Variants in IBA57 observed in about 807,000 individuals in gnomAD.
The protein encoded by IBA57 is iron-sulfur cluster assembly factor IBA57, mitochondrial.
Under a neutral mutation model 20.4 loss-of-function variants are expected in IBA57, and 20 were observed. The observed-to-expected ratio is 0.98, with a 90% CI of 0.69 to 1.42. IBA57 has a LOEUF of 1.42. Among genes scored for constraint, IBA57 ranks in the 40% most tolerant of loss-of-function variants. The pLI is 0.00. For synonymous variants in IBA57, 310 were observed against 233.9 expected, an observed-to-expected ratio of 1.33 and a Z score of -2.97; for missense variants, 608 against 499.3, an observed-to-expected ratio of 1.22 and a Z score of -2.07.
chr1:228,166,784 G>A (rs1291895155), intron 1 of IBA57, among the ~76,000 whole-genome samples: 1 of 152,202 alleles, frequency 6.6e-6, no homozygotes, highest in Non-Finnish European at 1.5e-5. Flanking sequence ...CCCTTGCCCA[G>A]CTTCCAGGGA....
chr1:228,167,320 AC>A (rs2034866458), intron 1 of IBA57, among the ~76,000 whole-genome samples: 1 of 147,046 alleles, frequency 6.8e-6, no homozygotes, highest in Non-Finnish European at 1.5e-5. Context: ...TTCTCTGGGA[AC>A]CCCACCCGTT....
rs1449235111 is a variant in IBA57, at chr1:228,170,601, GTC to G, written c.342-4090_342-4089del. On this transcript the variant is annotated intron_variant, in intron 1 of 2. Coordinates refer to ENST00000366711, the MANE Select transcript of IBA57 (RefSeq NM_001010867.4). This position sits in a 1 kb window ranked among gnomAD's most constrained non-coding sequence, Gnocchi z 4.8. Reference sequence around the variant, plus strand: ...AGCCACCATGCCTGGCCTCCTTAGGGTCCCTTTCTATCAGTTGGTTTTGATCT... The same window carrying G: ...AGCCACCATGCCTGGCCTCCTTAGGGCCTTTCTATCAGTTGGTTTTGATCT... Among the ~76,000 whole-genome samples, 1 of 152,188 alleles carries G rather than the reference GTC, an allele frequency of 6.6e-6. No homozygotes were observed. The highest frequency in any genetic ancestry group is 1.5e-5 in the Non-Finnish European group (1 of 68,036).
chr1:228,166,622 G>A (rs545611192), intron 1 of IBA57, among the ~76,000 whole-genome samples: 2 of 152,212 alleles, frequency 1.3e-5, no homozygotes, highest in Non-Finnish European at 2.9e-5. Context: ...ACAGCTTGTG[G>A]TGACACTCCC....
Position 228,175,575 on chromosome 1 carries a change from T to C in IBA57, c.*62T>C. 6.7e-7 allele frequency: 1 copy of C among 1,498,874 alleles called. No homozygotes were observed. 92.8% of individuals were successfully genotyped at this position (1,498,874 alleles called of 1,614,324 possible). On this transcript the variant is annotated 3_prime_UTR_variant, in exon 3 of 3. Transcript: ENST00000366711. The stretch of plus-strand genomic sequence containing the variant: ...TGGGGCCTGGGGCCTTTGGCCTCTG[T>C]CCAGGGTCTTCCCGTCCCATCTGTC...
In IBA57 at chr1:228,166,085, C is replaced by T. The variant is rs940700561; in HGVS notation, c.269C>T (p.Pro90Leu). Residue 90 changes from proline to leucine, a missense_variant, in exon 1 of 3, where the codon CCT (proline) becomes CTT (leucine). Pro to Leu is a moderately conservative substitution (Grantham distance 98, BLOSUM62 -3). Transcript: ENST00000366711. ...LPSPAAAGAP[P>L]AARAGYAHFL... ...AGTCCTGCGGCCGCGGGGGCCCCGC[C>T]TGCTGCGCGCGCGGGCTACGCCCAC... is the stretch of plus-strand genomic sequence containing the variant. The T allele has an allele frequency of 2.0e-5, 31 of 1,538,190 alleles. No homozygotes were observed. Among genetic ancestry groups the T allele is most frequent in the Non-Finnish European group, 2.5e-5 (29 of 1,144,818 alleles).
intron 1 of IBA57, among the ~76,000 whole-genome samples, chr1:228,167,870 C>T (rs2034872971): frequency 1.3e-5 from 2 of 152,250 alleles, no homozygotes; most frequent in Non-Finnish European, 2.9e-5. Flanking sequence ...TTAAGAACTA[C>T]ATTCTTTGAT....
In IBA57 at chr1:228,174,682, C is replaced by T. The variant is rs1255154006; in HGVS notation, c.342-10C>T. Reference sequence around the variant, plus strand: ...TGAGCTGCCATGCGCCCCTGCCTCTCTCCCTGCAGGCTCCAGGAACACTCG... The same window carrying T: ...TGAGCTGCCATGCGCCCCTGCCTCTTTCCCTGCAGGCTCCAGGAACACTCG... On this transcript the variant is annotated splice_polypyrimidine_tract_variant and intron_variant, in intron 1 of 2. Coordinates refer to ENST00000366711, the MANE Select transcript of IBA57 (RefSeq NM_001010867.4). The T allele has an allele frequency of 1.3e-6, 2 of 1,534,508 alleles. No homozygotes were observed. The highest frequency in any genetic ancestry group is 1.8e-6 in the Non-Finnish European group (2 of 1,142,550).
At position 228,175,243 on chromosome 1, in the gene IBA57, C is replaced by T. The variant is rs138699407; in HGVS notation, c.801C>T (p.Ala267=). The T allele has an allele frequency of 1.6e-4, 262 of 1,612,864 alleles. No individual in the cohort carries two copies. The highest frequency in any genetic ancestry group is 2.2e-4 in the Admixed American group (13 of 60,032). The change falls in exon 3 of 3, where the codon GCC becomes GCT. Residue 267 remains alanine, a synonymous_variant. Transcript: ENST00000366711. ...KGCYIGQELT[A]RTHHMGVIRK... ...GCTACATTGGCCAGGAGCTGACGGC[C>T]CGCACCCACCACATGGGCGTCATCC...
In IBA57 at chr1:228,174,778, A is replaced by G. The variant is rs141874510; in HGVS notation, c.428A>G (p.Tyr143Cys). Residue 143 changes from tyrosine to cysteine, a missense_variant, in exon 2 of 3, where the codon TAC becomes TGC. Physicochemically the swap from Tyr to Cys is radical, Grantham distance 194. Transcript: ENST00000366711. ...GCGCTGCAGAAGCACCTCGCGCTAT[A>G]CAGGATCCGGCGGAAGGTCACGGTG... ...QGALQKHLALYRIRRKVTVEP... is the reference protein window; with the variant it reads ...QGALQKHLALCRIRRKVTVEP... The G allele has an allele frequency of 1.2e-6, 2 of 1,610,510 alleles. No individual in the cohort carries two copies. The highest frequency in any genetic ancestry group is 1.3e-5 in the African/African-American group (1 of 74,848).
rs1473949618 is a variant in IBA57 at position 228,175,142 on chromosome 1, G to C, written c.700G>C (p.Asp234His). 2 of 1,612,642 alleles carry C rather than the reference G, an allele frequency of 1.2e-6. No individual in the cohort carries two copies. The highest frequency in any genetic ancestry group is 1.1e-5 in the South Asian group (1 of 91,066). The change falls in exon 3 of 3, where the codon GAC (aspartate) becomes CAC (histidine). Residue 234 changes from aspartate (D) to histidine (H), a missense_variant. Physicochemically the swap from Asp to His is moderately conservative, Grantham distance 81 (BLOSUM62 -1). Transcript: ENST00000366711. ...YLQGVPEGVR[D>H]LPPGVALPLE... ...TGCAGGCGTTCCTGAGGGGGTCCGAGACTTGCCTCCTGGGGTGGCCCTGCC... is the reference window on the plus strand; with the variant it reads ...TGCAGGCGTTCCTGAGGGGGTCCGACACTTGCCTCCTGGGGTGGCCCTGCC...
rs367817788 is a variant in IBA57, at chr1:228,174,132, T to A, written c.342-560T>A. On this transcript the variant is annotated intron_variant, in intron 1 of 2. Coordinates refer to ENST00000366711, the MANE Select transcript of IBA57 (RefSeq NM_001010867.4). The stretch of plus-strand genomic sequence containing the variant: ...GTGTGGCTGTGGGCGTGGCTCGCTG[T>A]GGGCGTGGCTCGCTGTGGGCGTGGC... Among the ~76,000 whole-genome samples, 80 of 149,654 alleles carry A rather than the reference T, an allele frequency of 5.3e-4. 1 individual carries two copies. Among genetic ancestry groups the A allele is most frequent in the African/African-American group, 2.0e-3 (80 of 40,690 alleles).
Position 228,176,904 on chromosome 1 carries a change from T to C in IBA57, c.*1391T>C, listed in dbSNP as rs4653915. 0.35 allele frequency: 53,499 copies of C among 152,428 alleles called. 9,661 individuals carry two copies. Among genetic ancestry groups the C allele is most frequent in the Non-Finnish European group, 0.39 (26,716 of 68,220 alleles). 9.4% of individuals were successfully genotyped at this position (152,428 alleles called of 1,614,324 possible). A position where few individuals can be genotyped will look rare whatever the true frequency, so the allele number is the denominator to read the frequency against. On this transcript the variant is annotated 3_prime_UTR_variant, in exon 3 of 3. Coordinates refer to ENST00000366711, the MANE Select transcript of IBA57 (RefSeq NM_001010867.4). ...CCTCACCCGCTGCAGTCAGCTCTCC[T>C]ATGGGCAAGGAAACAGCTAGGTGGC... is the stretch of plus-strand genomic sequence containing the variant.
chr1:228,167,556 C>T (rs2034869902), intron 1 of IBA57, among the ~76,000 whole-genome samples: 1 of 152,102 alleles, frequency 6.6e-6, no homozygotes, highest in Non-Finnish European at 1.5e-5. Context: ...AGGGTTTCAC[C>T]ATATTGGCCA....
At chr1:228,169,356 C>T (rs2034894731) in intron 1 of IBA57, among the ~76,000 whole-genome samples, 1 of 152,170 alleles carries the variant, frequency 6.6e-6, no homozygotes, top group Admixed American at 6.5e-5. Flanking sequence ...TTCTTGTTTC[C>T]TGAATGTAGC....
intron 1 of IBA57, chr1:228,173,398 T>TTC (rs2034952228): frequency 5.2e-5 from 1 of 19,174 alleles, no homozygotes; most frequent in Non-Finnish European, 1.6e-4. Context: ...CTCCACTTAG[T>TTC]GCCCCCCCCC....
At position 228,174,908 on chromosome 1, in the gene IBA57, C is replaced by A; in HGVS notation, c.558C>A (p.Ile186=). 6.2e-7 allele frequency: 1 copy of A among 1,601,226 alleles called. No homozygotes were observed. Among genetic ancestry groups the A allele is most frequent in the Middle Eastern group, 1.7e-4 (1 of 5,864 alleles). Residue 186 remains isoleucine (I), a synonymous_variant, in exon 2 of 3, where the codon ATC becomes ATA. Transcript: ENST00000366711. ...GGGCAGGGGCTGCCGCCATCCTCAT[C>A]CGCGACCCGCGAACAGCACGCATGG... ...QERAGAAAIL[I]RDPRTARMGW...
chr1:228,175,213 AGGCTGCTACATT>A lies in IBA57; in HGVS notation c.775_786del (p.Cys259_Gly262del). 1.9e-6 allele frequency: 3 copies of A among 1,612,810 alleles called. No homozygotes were observed. The highest frequency in any genetic ancestry group is 2.5e-6 in the Non-Finnish European group (3 of 1,179,978). On this transcript the variant is annotated inframe_deletion, in exon 3 of 3. Coordinates refer to ENST00000366711, the MANE Select transcript of IBA57 (RefSeq NM_001010867.4). Reference sequence around the variant, plus strand: ...TCATGAACGGCGTGAGCTTCACCAAAGGCTGCTACATTGGCCAGGAGCTGACGGCCCGCACCC... The same window carrying A: ...TCATGAACGGCGTGAGCTTCACCAAAGGCCAGGAGCTGACGGCCCGCACCC...
In IBA57 at chr1:228,181,786, T is replaced by G. The variant is rs1490383340; in HGVS notation, c.*6273T>G. ...CCAGCGCTTGGTGCTGTCAGTCTTCTTAGTTTCCATTTAGAGATTCAGTGT... is the reference window on the plus strand; with the variant it reads ...CCAGCGCTTGGTGCTGTCAGTCTTCGTAGTTTCCATTTAGAGATTCAGTGT... On this transcript the variant is annotated 3_prime_UTR_variant, in exon 3 of 3. Transcript: ENST00000366711. 1 of 152,290 alleles carries G rather than the reference T, an allele frequency of 6.6e-6. No individual in the cohort carries two copies. Among genetic ancestry groups the G allele is most frequent in the South Asian group, 2.1e-4 (1 of 4,834 alleles). The allele number at this position is 152,290 out of a possible 1,614,324, so 9.4% of individuals were successfully genotyped here.
rs1431247418 is a variant in IBA57 at position 228,177,162 on chromosome 1, C to G, written c.*1649C>G. The G allele has an allele frequency of 6.6e-6, 1 of 152,302 alleles. No individual in the cohort carries two copies. Among genetic ancestry groups the G allele is most frequent in the African/African-American group, 2.4e-5 (1 of 41,456 alleles). 9.4% of individuals were successfully genotyped at this position (152,302 alleles called of 1,614,324 possible). On this transcript the variant is annotated 3_prime_UTR_variant, in exon 3 of 3. Transcript: ENST00000366711. The stretch of plus-strand genomic sequence containing the variant: ...GGCCTGTGTCACCAAGAGCTGGTGT[C>G]TCCTGCATGAGGGGCATGCACCCCT...
Sources: allele counts gnomAD v4.1 joint callset (sites outside exome capture counted in the v4.1 genomes callset), GRCh38; gene constraint gnomAD v4.1.1; non-coding constraint Gnocchi (gnomAD v3.1); transcripts MANE v1.5; gene names NCBI Gene and HGNC (gene_info 2026-07-23, HGNC 2026-07-21).